TIAM1: variants seen among roughly 807,000 people sequenced by gnomAD.
The protein encoded by TIAM1 is rho guanine nucleotide exchange factor TIAM1.
Under a neutral mutation model 163.5 loss-of-function variants are expected in TIAM1, and 65 were observed. The ratio of observed to expected loss-of-function variants is 0.40; its 90% CI spans 0.33 to 0.49. The LOEUF is 0.49. Among genes scored for constraint, TIAM1 ranks in the 20% least tolerant of loss-of-function variants. The pLI, the probability that TIAM1 is intolerant of heterozygous loss-of-function variation, is 0.77. For synonymous variants in TIAM1, 833 were observed against 810.1 expected (o/e 1.03, Z -0.48); for missense variants, 1,789 against 2,044.7 (o/e 0.87, Z 2.41).
At chr21:31,334,726 C>T (rs149684216) in intron 2 of TIAM1, among the ~76,000 whole-genome samples, 15 of 152,148 alleles carry the variant, frequency 9.9e-5, no homozygotes, top group East Asian at 5.8e-4. Context: ...AGCATCAGTT[C>T]GGAGCAGAGA....
At chr21:31,442,797 T>C (rs766328135) in intron 2 of TIAM1, among the ~76,000 whole-genome samples, 7 of 152,180 alleles carry the variant, frequency 4.6e-5, no homozygotes, top group Non-Finnish European at 8.8e-5. Flanking sequence ...GAGGGAATTA[T>C]TGTCAAGGTA....
At position 31,266,254 on chromosome 21, in the gene TIAM1, T is replaced by C. The variant is rs774565457; in HGVS notation, c.719A>G (p.Asn240Ser). The C allele has an allele frequency of 6.2e-7, 1 of 1,613,666 alleles. No individual in the cohort carries two copies. The highest frequency in any genetic ancestry group is 8.5e-7 in the Non-Finnish European group (1 of 1,179,934). ...NSLGDLYAQKNSGVTANGGPG... is the reference protein window; with the variant it reads ...NSLGDLYAQKSSGVTANGGPG... ...CCCCCCGTTTGCTGTCACTCCAGAGTTTTTCTGAGCATACAAGTCACCCAA... is the reference window on the plus strand; with the variant it reads ...CCCCCCGTTTGCTGTCACTCCAGAGCTTTTCTGAGCATACAAGTCACCCAA... Residue 240 changes from asparagine (N) to serine (S), a missense_variant, in exon 4 of 28, where the codon AAC becomes AGC. Transcript: ENST00000541036.
chr21:31,290,943 A>AGC (rs2146913960), intron 2 of TIAM1, among the ~76,000 whole-genome samples: 1 of 152,334 alleles, frequency 6.6e-6, no homozygotes, highest in Admixed American at 6.5e-5. Flanking sequence ...ATCTGGTGAT[A>AGC]GCACTAGCGC....
At chr21:31,147,124 T>C (rs1008861036) in intron 19 of TIAM1, 121 bp from the exon 20 acceptor site, 21 of 751,928 alleles carry the variant, frequency 2.8e-5, no homozygotes, top group Non-Finnish European at 4.4e-5. Context: ...CTTCCGTGCC[T>C]GTCAGAGCCT....
intron 20 of TIAM1, among the ~76,000 whole-genome samples, chr21:31,143,962 G>A (rs2082982111): frequency 6.6e-6 from 1 of 151,920 alleles, no homozygotes; most frequent in Non-Finnish European, 1.5e-5. Flanking sequence ...TCGAACTCCT[G>A]ACCTCAAACG....
intron 2 of TIAM1, among the ~76,000 whole-genome samples, chr21:31,317,625 C>T (rs188120184): frequency 8.9e-4 from 135 of 152,208 alleles, no homozygotes; most frequent in Non-Finnish European, 1.8e-3. Flanking sequence ...ACTATAAACA[C>T]GAAAATCAGC....
chr21:31,384,820 T>A (rs1028806132), intron 2 of TIAM1, among the ~76,000 whole-genome samples: 1 of 152,104 alleles, frequency 6.6e-6, no homozygotes, highest in South Asian at 2.1e-4. Flanking sequence ...GAAAACCATG[T>A]TTCATCTTTA....
chr21:31,533,425 G>A (rs1317799315), intron 1 of TIAM1, among the ~76,000 whole-genome samples: 5 of 152,086 alleles, frequency 3.3e-5, no homozygotes, highest in East Asian at 3.9e-4. Context: ...GGTATATCAC[G>A]GATACTATCA....
intron 1 of TIAM1, among the ~76,000 whole-genome samples, chr21:31,513,305 G>A (rs146481049): frequency 2.0e-5 from 3 of 152,252 alleles, no homozygotes; most frequent in African/African-American, 7.2e-5. Context: ...GGAAACTGAG[G>A]CCCAGAGAAG....
intron 23 of TIAM1, among the ~76,000 whole-genome samples, chr21:31,133,398 G>T (rs772038928): frequency 6.6e-6 from 1 of 152,202 alleles, no homozygotes; most frequent in African/African-American, 2.4e-5. Flanking sequence ...TGATGCCCAT[G>T]AAGCTGGAGT....
chr21:31,449,007 C>T (rs1301757290), intron 2 of TIAM1, among the ~76,000 whole-genome samples: 1 of 152,082 alleles, frequency 6.6e-6, no homozygotes, highest in Non-Finnish European at 1.5e-5. Context: ...ACTCTGTCAC[C>T]CAGGCTGGAG....
At position 31,228,235 on chromosome 21, in the gene TIAM1, A is replaced by AGGAG. The variant is rs1601626429; in HGVS notation, c.1585-2286_1585-2285insCTCC. On this transcript the variant is annotated intron_variant, in intron 6 of 27. Coordinates refer to ENST00000541036, the MANE Select transcript of TIAM1 (RefSeq NM_001353694.2). ...CTCCTTTTTTTAAAAAAAAAAAAAA[A>AGGAG]AAAAAAAAAAAAAAAAAAAAAAAAG... 9.4e-5 allele frequency among the ~76,000 whole-genome samples: 11 copies of AGGAG among 116,788 alleles called. 1 individual carries two copies. Among genetic ancestry groups the AGGAG allele is most frequent in the South Asian group, 5.1e-4 (2 of 3,932 alleles). The allele number at this position is 116,788 out of a possible 152,430, so 76.6% of individuals were successfully genotyped here.
intron 1 of TIAM1, among the ~76,000 whole-genome samples, chr21:31,519,319 A>AG (rs2047492794): frequency 1.3e-5 from 2 of 149,226 alleles, no homozygotes; most frequent in Admixed American, 1.3e-4. Context: ...AAAAAAAAAA[A>AG]AAAAAAAAAG....
chr21:31,164,389 C>CAA (rs542696881), intron 16 of TIAM1, among the ~76,000 whole-genome samples: 30 of 95,064 alleles, frequency 3.2e-4, no homozygotes, highest in African/African-American at 5.4e-4. Context: ...GACTCCATCT[C>CAA]AAAAAAAAAA....
At chr21:31,325,283 T>A (rs1317272944) in intron 2 of TIAM1, among the ~76,000 whole-genome samples, 5 of 125,568 alleles carry the variant, frequency 4.0e-5, no homozygotes, top group Non-Finnish European at 8.7e-5. Flanking sequence ...GGAGGCCCTG[T>A]CTCAAAAAAA....
At chr21:31,225,119 AG>A (rs2087870774) in intron 7 of TIAM1, among the ~76,000 whole-genome samples, 1 of 152,016 alleles carries the variant, frequency 6.6e-6, no homozygotes, top group Non-Finnish European at 1.5e-5. Context: ...TCCCAGGCTC[AG>A]GCGATCCTCT....
At chr21:31,145,469 C>G (rs1391051378) in intron 20 of TIAM1, among the ~76,000 whole-genome samples, 1 of 152,178 alleles carries the variant, frequency 6.6e-6, no homozygotes, top group East Asian at 1.9e-4. Context: ...TAAAATCAAA[C>G]TTTCTGTTGG....
chr21:31,469,295 C>G (rs1001338235), intron 1 of TIAM1, among the ~76,000 whole-genome samples: 1 of 151,298 alleles, frequency 6.6e-6, no homozygotes, highest in Non-Finnish European at 1.5e-5. Context: ...GAGAAAGGGT[C>G]TCATTATGTT....
chr21:31,442,027 G>A (rs2044435773), intron 2 of TIAM1, among the ~76,000 whole-genome samples: 1 of 117,968 alleles, frequency 8.5e-6, no homozygotes, highest in African/African-American at 3.2e-5. Context: ...TTGCACTCCA[G>A]CCTGAGCAAT....
Sources: allele counts gnomAD v4.1 joint callset (sites outside exome capture counted in the v4.1 genomes callset), GRCh38; gene constraint gnomAD v4.1.1; transcripts MANE v1.5; gene names NCBI Gene and HGNC (gene_info 2026-07-23, HGNC 2026-07-21).